FBXO4: variants seen among roughly 807,000 people sequenced by gnomAD.
The protein encoded by FBXO4 is F-box only protein 4.
A neutral mutation model predicts 43.7 loss-of-function variants in FBXO4; 36 were observed. That is an observed-to-expected ratio of 0.82 (90% CI 0.63 to 1.09). FBXO4 has a LOEUF of 1.09. Among genes scored for constraint, FBXO4 ranks in the 50% least tolerant of loss-of-function variants. The pLI is 0.00. For missense variants in FBXO4, 435 were observed against 474.1 expected (o/e 0.92, Z 0.77); for synonymous variants, 180 against 165.6 (o/e 1.09, Z -0.67).
the FBXO4 span, among the ~76,000 whole-genome samples, chr5:42,039,522 C>T: frequency 6.6e-6 from 1 of 151,970 alleles, no homozygotes; most frequent in African/African-American, 2.4e-5. Flanking sequence ...AATGTTCTTC[C>T]CTTAAATATC....
At chr5:41,981,297 A>C in the FBXO4 span, among the ~76,000 whole-genome samples, 1 of 152,212 alleles carries the variant, frequency 6.6e-6, no homozygotes, top group East Asian at 1.9e-4. Flanking sequence ...AGTTAGAGTG[A>C]GATATTTCAC....
At chr5:41,965,474 C>A in the FBXO4 span, among the ~76,000 whole-genome samples, 4 of 152,150 alleles carry the variant, frequency 2.6e-5, no homozygotes, top group African/African-American at 4.8e-5. Flanking sequence ...TTACCTCGGG[C>A]AGTATGGCCA....
At chr5:41,936,770 A>G (rs892500347) in intron 5 of FBXO4, among the ~76,000 whole-genome samples, 3 of 150,104 alleles carry the variant, frequency 2.0e-5, no homozygotes, top group African/African-American at 7.5e-5. Flanking sequence ...AAACACAAAG[A>G]GAAAAAAAAG....
At chr5:41,949,322 T>C in the FBXO4 span, among the ~76,000 whole-genome samples, 3 of 152,210 alleles carry the variant, frequency 2.0e-5, no homozygotes, top group Non-Finnish European at 1.5e-5. Context: ...GAAAACCTCA[T>C]CGTCTCAGCC....
At chr5:41,958,489 G>A in the FBXO4 span, among the ~76,000 whole-genome samples, 1 of 152,158 alleles carries the variant, frequency 6.6e-6, no homozygotes, top group African/African-American at 2.4e-5. Flanking sequence ...GAGTACAATA[G>A]AGCTCTTGAA....
rs777202706 is a variant in FBXO4 at position 41,929,851 on chromosome 5, G to T, written c.580G>T (p.Val194Leu). 11 of 1,614,016 alleles carry T rather than the reference G, an allele frequency of 6.8e-6. No individual in the cohort carries two copies. The Admixed American group carries it at 1.0e-4, about 15-fold the overall frequency. Residue 194 changes from valine to leucine, a missense_variant, in exon 3 of 7, where the codon GTG (valine) becomes TTG (leucine). By Grantham distance (32) the Val-to-Leu change is conservative. Transcript: ENST00000281623. ...TTTGGAAGAATTGAATACCTCTTTG[G>T]TGTTGAGCTTGATGTCTTCAGAGGA... ...PGLEELNTSL[V>L]LSLMSSEELC...
Position 41,941,526 on chromosome 5 carries a change from TA to T in FBXO4, c.*246del. Reference sequence around the variant, plus strand: ...CTTTAAACATTTTTTTGGTAATTTTTATATTTTCTGTCTTTTTAAAAATATT... The same window carrying T: ...CTTTAAACATTTTTTTGGTAATTTTTTATTTTCTGTCTTTTTAAAAATATT... On this transcript the variant is annotated 3_prime_UTR_variant, in exon 7 of 7. Coordinates refer to ENST00000281623, the MANE Select transcript of FBXO4 (RefSeq NM_012176.3). The T allele has an allele frequency of 4.1e-6, 1 of 246,138 alleles. No homozygotes were observed. The highest frequency in any genetic ancestry group is 7.8e-6 in the Non-Finnish European group (1 of 127,992). The allele number at this position is 246,138 out of a possible 1,614,324, so 15.2% of individuals were successfully genotyped here.
At chr5:41,967,422 G>C in the FBXO4 span, 1 of 553,292 alleles carries the variant, frequency 1.8e-6, no homozygotes, top group Non-Finnish European at 3.5e-6. Context: ...ATCAGATTTG[G>C]AACACCTGCA....
At chr5:42,006,911 T>C in the FBXO4 span, among the ~76,000 whole-genome samples, 1 of 141,440 alleles carries the variant, frequency 7.1e-6, no homozygotes, top group East Asian at 2.0e-4. Flanking sequence ...TATATATATA[T>C]ATATATGTAT....
the FBXO4 span, among the ~76,000 whole-genome samples, chr5:41,982,321 C>T: frequency 1.3e-5 from 2 of 152,132 alleles, no homozygotes; most frequent in South Asian, 2.1e-4. Flanking sequence ...TGAGGAATCG[C>T]CACACTGTCT....
At chr5:41,980,765 A>G in the FBXO4 span, among the ~76,000 whole-genome samples, 1 of 151,546 alleles carries the variant, frequency 6.6e-6, no homozygotes, top group Non-Finnish European at 1.5e-5. Flanking sequence ...CACTTTAGCT[A>G]CCTGTGTATT....
At chr5:42,034,701 C>T in the FBXO4 span, among the ~76,000 whole-genome samples, 2 of 152,092 alleles carry the variant, frequency 1.3e-5, no homozygotes, top group African/African-American at 4.8e-5. Flanking sequence ...TCTGACATCT[C>T]TGTTCTGTTC....
At chr5:41,946,649 C>T (rs1752080866), downstream of FBXO4, among the ~76,000 whole-genome samples, 1 of 152,190 alleles carries the variant, frequency 6.6e-6, no homozygotes, top group South Asian at 2.1e-4. Context: ...CTTGGATCAA[C>T]TACCATTATG....
chr5:41,951,019 A>G, the FBXO4 span, among the ~76,000 whole-genome samples: 1 of 152,194 alleles, frequency 6.6e-6, no homozygotes, highest in East Asian at 1.9e-4. Flanking sequence ...CAATGAGAAC[A>G]CATGGACACA....
chr5:42,038,238 C>T, the FBXO4 span, among the ~76,000 whole-genome samples: 4 of 151,958 alleles, frequency 2.6e-5, no homozygotes, highest in East Asian at 3.9e-4. Context: ...CTGTTCACCA[C>T]GAAGCAAGAC....
chr5:41,970,509 A>T, the FBXO4 span, among the ~76,000 whole-genome samples: 2 of 152,014 alleles, frequency 1.3e-5, no homozygotes, highest in African/African-American at 4.8e-5. Context: ...ATTAAGAGGA[A>T]ATATTAATTG....
the FBXO4 span, among the ~76,000 whole-genome samples, chr5:42,001,313 T>A: frequency 6.6e-6 from 1 of 152,148 alleles, no homozygotes. Context: ...CACTGCAAGC[T>A]CCACCTCCCA....
the FBXO4 span, among the ~76,000 whole-genome samples, chr5:41,950,731 A>C: frequency 6.6e-6 from 1 of 152,264 alleles, no homozygotes; most frequent in East Asian, 1.9e-4. Flanking sequence ...TCAAAGGATT[A>C]TAAATCATTC....
At chr5:41,937,033 G>C (rs1447446821) in intron 5 of FBXO4, among the ~76,000 whole-genome samples, 3 of 152,110 alleles carry the variant, frequency 2.0e-5, no homozygotes, top group Non-Finnish European at 2.9e-5. Context: ...AATGTAGTAG[G>C]CTGACCCCTG....
Sources: gnomAD v4.1 joint callset for allele counts (sites outside exome capture counted in the v4.1 genomes callset) on GRCh38, gnomAD v4.1.1 for gene constraint, MANE v1.5 for transcripts, NCBI Gene and HGNC (gene_info 2026-07-23, HGNC 2026-07-21) for gene names.